SH2D6: variants seen among roughly 807,000 people sequenced by gnomAD.
The protein encoded by SH2D6 is SH2 domain-containing protein 6.
A neutral mutation model predicts 30.2 loss-of-function variants in SH2D6; 31 were observed. The ratio of observed to expected loss-of-function variants is 1.03; its 90% CI spans 0.77 to 1.38. SH2D6 has a LOEUF of 1.38. SH2D6 is among the 40% of genes most tolerant of loss of function. The pLI is 0.00. For missense variants in SH2D6, 240 were observed against 266.8 expected, an observed-to-expected ratio of 0.90 and a Z score of 0.70; for synonymous variants, 93 against 104.6, an observed-to-expected ratio of 0.89 and a Z score of 0.68.
chr2:85,435,359 G>C (rs562498590), intron 20 of SH2D6, 54 bp from the exon 21 acceptor site: 4 of 1,577,412 alleles, frequency 2.5e-6, no homozygotes, highest in Admixed American at 1.7e-5. Context: ...CCTCGGCTCC[G>C]CATGCCTGAT....
chr2:85,435,302 C>A (rs1167245325), intron 20 of SH2D6, 111 bp from the exon 21 acceptor site: 8 of 1,328,306 alleles, frequency 6.0e-6, no homozygotes, highest in Non-Finnish European at 1.1e-6. Context: ...CTGAGGGGGA[C>A]TCAGTTGAGC....
chr2:85,426,702 T>G (rs373622293), intron 6 of SH2D6, among the ~76,000 whole-genome samples: 22 of 152,296 alleles, frequency 1.4e-4, no homozygotes, highest in African/African-American at 5.3e-4. Context: ...GCAATATCCT[T>G]CATAATAAAC....
At chr2:85,431,988 C>T (rs952212485) in intron 14 of SH2D6, 29 bp downstream of exon 14, 3 of 152,730 alleles carry the variant, frequency 2.0e-5, no homozygotes, top group Admixed American at 1.3e-4. Context: ...CTTTCTGTGG[C>T]TCCACCCTGG....
At chr2:85,434,785 G>A in intron 19 of SH2D6, 2 of 1,457,360 alleles carry the variant, frequency 1.4e-6, no homozygotes, top group Non-Finnish European at 1.8e-6. Flanking sequence ...GGCCTGAGGG[G>A]ACCCTCTTGG....
intron 16 of SH2D6, 45 bp from the exon 17 acceptor site, chr2:85,433,988 C>A (rs1689081111): frequency 2.0e-6 from 3 of 1,499,270 alleles, no homozygotes; most frequent in Non-Finnish European, 1.8e-6. Flanking sequence ...CATGGATTCC[C>A]TGCCTGGTGC....
chr2:85,423,183 C>T (rs576639592), intron 5 of SH2D6, among the ~76,000 whole-genome samples: 46 of 149,938 alleles, frequency 3.1e-4, no homozygotes, highest in African/African-American at 9.6e-4. Context: ...CCCCTGCACC[C>T]GGCCTGTTTT....
In SH2D6 at chr2:85,419,263, C is replaced by A; in HGVS notation, c.-577+19C>A. On this transcript the variant is annotated intron_variant, in intron 2 of 23. Coordinates refer to ENST00000469800, the MANE Select transcript of SH2D6 (RefSeq NM_001394463.1). ...AGTCAAGGTGAGGTTAGGAGGCTGC[C>A]AGGAGGTAATAACCAGGGCGCTCGC... The A allele has an allele frequency of 6.6e-6, 1 of 152,424 alleles. No individual in the cohort carries two copies. Among genetic ancestry groups the A allele is most frequent in the South Asian group, 2.1e-4 (1 of 4,838 alleles). The allele number at this position is 152,424 out of a possible 1,614,324, so 9.4% of individuals were successfully genotyped here.
In SH2D6 at chr2:85,436,604, GC is replaced by G; in HGVS notation, c.*12+12del. The G allele has an allele frequency of 6.3e-7, 1 of 1,599,040 alleles. No individual in the cohort carries two copies. The highest frequency in any genetic ancestry group is 8.6e-7 in the Non-Finnish European group (1 of 1,166,820). On this transcript the variant is annotated intron_variant, in intron 23 of 23. Coordinates refer to ENST00000469800, the MANE Select transcript of SH2D6 (RefSeq NM_001394463.1). The stretch of plus-strand genomic sequence containing the variant: ...TTGAGGCCACAGCGAAGTACACACC[GC>G]CTTTGGCCCCAGTTTGCTTCTTGTC...
rs117678353 is a variant in SH2D6 at position 85,420,882 on chromosome 2, G to A, written c.-576-1321G>A. The A allele has an allele frequency of 2.0e-3, 304 of 152,488 alleles. 10 individuals are homozygous for A. Among genetic ancestry groups the A allele is most frequent in the East Asian group, 0.012 (62 of 5,190 alleles). 9.4% of individuals were successfully genotyped at this position (152,488 alleles called of 1,614,324 possible). A position where few individuals can be genotyped will look rare whatever the true frequency, so the allele number is the denominator to read the frequency against. ...TGCTTAGGTCCCCACAGTGGCCCGG[G>A]ACGGGGTGAGGGGACTGTGGCTTTG... On this transcript the variant is annotated intron_variant, in intron 2 of 23. Transcript: ENST00000469800.
intron 21 of SH2D6, 66 bp from the exon 22 acceptor site, chr2:85,435,599 CA>C: frequency 4.4e-6 from 7 of 1,577,934 alleles, no homozygotes; most frequent in Non-Finnish European, 6.0e-6. Flanking sequence ...GTTCTGGCCC[CA>C]TCATGGGTCA....
chr2:85,423,210 G>T (rs1377676730), intron 5 of SH2D6, among the ~76,000 whole-genome samples: 3 of 150,618 alleles, frequency 2.0e-5, no homozygotes, highest in East Asian at 4.0e-4. Flanking sequence ...TGTTGTTGTT[G>T]TTGTTTTTGT....
At chr2:85,429,129 T>C (rs1341652544) in intron 7 of SH2D6, among the ~76,000 whole-genome samples, 1 of 152,238 alleles carries the variant, frequency 6.6e-6, no homozygotes, top group Non-Finnish European at 1.5e-5. Flanking sequence ...TAATTGGATC[T>C]GCCAAATAAT....
At chr2:85,420,197 C>T (rs933966112) in intron 2 of SH2D6, among the ~76,000 whole-genome samples, 3 of 152,136 alleles carry the variant, frequency 2.0e-5, no homozygotes, top group Admixed American at 6.6e-5. Context: ...CTCTGCCTCC[C>T]GGGCTTAAGC....
Position 85,420,859 on chromosome 2 carries a change from C to T in SH2D6, c.-576-1344C>T, listed in dbSNP as rs1385830259. 2.6e-5 allele frequency: 4 copies of T among 152,372 alleles called. No homozygotes were observed. The East Asian group carries it at 7.7e-4, about 29-fold the overall frequency. 9.4% of individuals were successfully genotyped at this position (152,372 alleles called of 1,614,324 possible). A position where few individuals can be genotyped will look rare whatever the true frequency, so the allele number is the denominator to read the frequency against. On this transcript the variant is annotated intron_variant, in intron 2 of 23. Transcript: ENST00000469800. ...GTCGCCCTCTCCCGTGGAACGACTG[C>T]TTAGGTCCCCACAGTGGCCCGGGAC...
At chr2:85,424,054 T>C (rs889709818) in intron 5 of SH2D6, among the ~76,000 whole-genome samples, 2 of 152,238 alleles carry the variant, frequency 1.3e-5, no homozygotes, top group African/African-American at 4.8e-5. Flanking sequence ...AGGCTGGTCT[T>C]GAGCTTCTGA....
At chr2:85,423,395 T>C (rs1007580270) in intron 5 of SH2D6, among the ~76,000 whole-genome samples, 9 of 150,928 alleles carry the variant, frequency 6.0e-5, no homozygotes, top group Non-Finnish European at 1.2e-4. Flanking sequence ...TCACACCCGG[T>C]TAATTTTTTG....
chr2:85,434,379 C>CTGA lies in SH2D6; in HGVS notation c.564+12_564+14dup, dbSNP rs1689140769. ...CCCAGGAAACTCGGAATGTAAGAGG[C>CTGA]TGATGGTCAGGGGAGAAGAGAGGGA... On this transcript the variant is annotated intron_variant, in intron 18 of 23. Transcript: ENST00000469800. 3 of 1,550,120 alleles carry CTGA rather than the reference C, an allele frequency of 1.9e-6. No individual in the cohort carries two copies. Among genetic ancestry groups the CTGA allele is most frequent in the Non-Finnish European group, 2.6e-6 (3 of 1,146,694 alleles).
rs1252553990 is a variant in SH2D6 at position 85,434,089 on chromosome 2, C to T, written c.511C>T (p.Pro171Ser). 6.4e-7 allele frequency: 1 copy of T among 1,550,568 alleles called. No individual in the cohort carries two copies. The highest frequency in any genetic ancestry group is 2.0e-5 in the Admixed American group (1 of 51,012). ...FQVLMPSGPLPRTSVVPRPTT... is the reference protein window; with the variant it reads ...FQVLMPSGPLSRTSVVPRPTT... ...AGTCCTGATGCCCTCAGGCCCTCTG[C>T]CCAGGACATCAGTGGTGCCCAGGTA... Residue 171 changes from proline to serine, a missense_variant, in exon 17 of 24, where the codon CCC becomes TCC. Coordinates refer to ENST00000469800, the MANE Select transcript of SH2D6 (RefSeq NM_001394463.1).
rs554374538 is a variant in SH2D6, at chr2:85,428,886, C to T, written c.-95+189C>T. Among the ~76,000 whole-genome samples the T allele has an allele frequency of 4.6e-5, 7 of 152,316 alleles. No homozygotes were observed. The South Asian group carries it at 1.0e-3, about 23-fold the overall frequency. On this transcript the variant is annotated intron_variant, in intron 7 of 23. Transcript: ENST00000469800. ...AATGCCTTCCTGCTTCATTTTCCTA[C>T]GGCATCTTCAACGCCTGGAACAGCC...
Sources: allele counts gnomAD v4.1 joint callset (sites outside exome capture counted in the v4.1 genomes callset), GRCh38; gene constraint gnomAD v4.1.1; transcripts MANE v1.5; gene names NCBI Gene and HGNC (gene_info 2026-07-23, HGNC 2026-07-21).